Variants in JARID2 observed in about 807,000 individuals in gnomAD.
The protein encoded by JARID2 is protein Jumonji.
A neutral mutation model predicts 125.6 loss-of-function variants in JARID2; 21 were observed. The observed-to-expected ratio is 0.17, with a 90% CI of 0.12 to 0.24. The LOEUF is 0.24. Ranked by LOEUF, JARID2 falls within the 10% of genes least tolerant of loss-of-function variation. The probability of loss-of-function intolerance (pLI) is 1.00; values close to 1 mark genes in which losing one functional copy is unlikely to be tolerated. For synonymous variants in JARID2, 736 were observed against 661.6 expected (o/e 1.11, Z -1.73); for missense variants, 1,303 against 1,639.6 (o/e 0.79, Z 3.55).
intron 1 of JARID2, among the ~76,000 whole-genome samples, chr6:15,369,132 G>A (rs934730920): frequency 6.6e-6 from 1 of 152,132 alleles, no homozygotes; most frequent in African/African-American, 2.4e-5. Flanking sequence ...CTGAGCTCTG[G>A]TATTTTATGT....
chr6:15,302,165 C>G (rs1435649296), intron 1 of JARID2, among the ~76,000 whole-genome samples: 1 of 152,108 alleles, frequency 6.6e-6, no homozygotes, highest in African/African-American at 2.4e-5. Flanking sequence ...CCTGTAATCC[C>G]AGCACTTTGG....
At chr6:15,393,580 A>G (rs1308516885) in intron 2 of JARID2, among the ~76,000 whole-genome samples, 1 of 152,250 alleles carries the variant, frequency 6.6e-6, no homozygotes, top group Non-Finnish European at 1.5e-5. Flanking sequence ...AGAAAACTGT[A>G]AAAGATTGCC....
intron 1 of JARID2, among the ~76,000 whole-genome samples, chr6:15,363,350 G>A (rs888897559): frequency 6.6e-6 from 1 of 152,224 alleles, no homozygotes; most frequent in Non-Finnish European, 1.5e-5. Context: ...TGTGCACAGT[G>A]TGTGTTCACA....
intron 2 of JARID2, among the ~76,000 whole-genome samples, chr6:15,403,230 T>C (rs1765507273): frequency 6.6e-6 from 1 of 152,208 alleles, no homozygotes; most frequent in Non-Finnish European, 1.5e-5. Context: ...ATCACGGCTC[T>C]TTGTTTTTGT....
chr6:15,281,620 A>T (rs1760753473), intron 1 of JARID2, among the ~76,000 whole-genome samples: 1 of 152,210 alleles, frequency 6.6e-6, no homozygotes, highest in Non-Finnish European at 1.5e-5. Context: ...TATAAATGGA[A>T]TGTAAGGTTA....
In JARID2 at chr6:15,460,393, G is replaced by A. The variant is rs141547246; in HGVS notation, c.494-8149G>A. ...GCCAGTGAGTACTGGCACAGATTCA[G>A]TAGTACTTCTCAGAGTCATCTCTGG... On this transcript the variant is annotated intron_variant, in intron 4 of 17. Transcript: ENST00000341776. Among the ~76,000 whole-genome samples the A allele has an allele frequency of 2.6e-3, 397 of 152,298 alleles. 3 individuals are homozygous for A. Among genetic ancestry groups the A allele is most frequent in the African/African-American group, 9.4e-3 (389 of 41,542 alleles).
intron 1 of JARID2, among the ~76,000 whole-genome samples, chr6:15,350,492 G>T (rs545935981): frequency 9.7e-4 from 147 of 152,238 alleles, no homozygotes; most frequent in Non-Finnish European, 1.8e-3. Context: ...TGGTGTTACT[G>T]ACTTAGCTGA....
At chr6:15,458,758 C>T (rs999438515) in intron 4 of JARID2, among the ~76,000 whole-genome samples, 5 of 152,284 alleles carry the variant, frequency 3.3e-5, no homozygotes, top group Admixed American at 2.0e-4. Context: ...TGCGGGTCTC[C>T]GCGTTACAGT....
chr6:15,283,562 T>C (rs959348919), intron 1 of JARID2, among the ~76,000 whole-genome samples: 7 of 151,112 alleles, frequency 4.6e-5, no homozygotes, highest in Admixed American at 1.3e-4. Flanking sequence ...CAGGACGGTC[T>C]CGATCTGCCG....
chr6:15,397,883 G>GT (rs766312488), intron 2 of JARID2, among the ~76,000 whole-genome samples: 13 of 152,174 alleles, frequency 8.5e-5, no homozygotes, highest in Non-Finnish European at 1.8e-4. Context: ...CAATAAACTA[G>GT]AAGCGCCTTA....
chr6:15,416,081 C>G (rs1203525795), intron 3 of JARID2, among the ~76,000 whole-genome samples: 3 of 151,924 alleles, frequency 2.0e-5, no homozygotes, highest in Non-Finnish European at 4.4e-5. Flanking sequence ...CCCCACATCT[C>G]AGACGATGGG....
intron 1 of JARID2, among the ~76,000 whole-genome samples, chr6:15,373,414 G>C (rs969711854): frequency 6.6e-6 from 1 of 152,122 alleles, no homozygotes; most frequent in African/African-American, 2.4e-5. Flanking sequence ...TTAAGAACTT[G>C]TATTCGTTCT....
chr6:15,508,293 T>C, intron 11 of JARID2, 47 bp from the exon 12 acceptor site: 1 of 936,038 alleles, frequency 1.1e-6, no homozygotes, highest in Non-Finnish European at 1.8e-6. Flanking sequence ...CTTTGAGACC[T>C]TGTTGCCTAG....
chr6:15,433,223 G>C (rs1226279685), intron 3 of JARID2, among the ~76,000 whole-genome samples: 1 of 152,184 alleles, frequency 6.6e-6, no homozygotes, highest in Non-Finnish European at 1.5e-5. Flanking sequence ...TTTAGGGCCA[G>C]GTAGCCCCAT....
chr6:15,475,735 ATAGT>A (rs1483691246), intron 5 of JARID2, among the ~76,000 whole-genome samples: 42 of 152,326 alleles, frequency 2.8e-4, no homozygotes, highest in Admixed American at 7.2e-4. Flanking sequence ...CGGTTTGGAT[ATAGT>A]TAGTTAAGAA....
intron 3 of JARID2, among the ~76,000 whole-genome samples, chr6:15,422,775 C>A (rs1441413900): frequency 6.6e-6 from 1 of 152,076 alleles, no homozygotes; most frequent in East Asian, 1.9e-4. Flanking sequence ...TTCCCCGCTC[C>A]CCCTCCCTCT....
intron 5 of JARID2, among the ~76,000 whole-genome samples, chr6:15,471,421 A>C (rs915593208): frequency 6.6e-6 from 1 of 152,228 alleles, no homozygotes; most frequent in Non-Finnish European, 1.5e-5. Context: ...AATATGAACA[A>C]AACATGGAAT....
chr6:15,510,626 C>CTG (rs986770914), intron 12 of JARID2, among the ~76,000 whole-genome samples: 2 of 152,214 alleles, frequency 1.3e-5, no homozygotes, highest in African/African-American at 4.8e-5. Context: ...GTGTGTCTTG[C>CTG]TGTATGTGCC....
At chr6:15,276,048 G>T (rs1356726687) in intron 1 of JARID2, among the ~76,000 whole-genome samples, 1 of 152,216 alleles carries the variant, frequency 6.6e-6, no homozygotes, top group East Asian at 1.9e-4. Context: ...TGGGCAAAAA[G>T]TTAGAAGGGA....
Sources: gnomAD v4.1 joint callset for allele counts (sites outside exome capture counted in the v4.1 genomes callset) on GRCh38, gnomAD v4.1.1 for gene constraint, MANE v1.5 for transcripts, NCBI Gene and HGNC (gene_info 2026-07-23, HGNC 2026-07-21) for gene names.